Variants in MGAT4C observed in about 807,000 individuals in gnomAD.
MGAT4C encodes the protein MGAT4 family member C, also known as alpha-1,3-mannosyl-glycoprotein 4-beta-N-acetylglucosaminyltransferase C.
In MGAT4C, 19 loss-of-function variants were observed where a neutral mutation model predicts 40.1. The ratio of observed to expected loss-of-function variants is 0.47; its 90% CI spans 0.33 to 0.70. The LOEUF (loss-of-function observed/expected upper bound fraction) is 0.70, where lower values mean the gene tolerates loss of function less well. Among genes scored for constraint, MGAT4C ranks in the 30% least tolerant of loss-of-function variants. The probability of loss-of-function intolerance (pLI) is 0.02; values close to 1 mark genes in which losing one functional copy is unlikely to be tolerated. For missense variants in MGAT4C, 491 were observed against 563.2 expected, an observed-to-expected ratio of 0.87 and a Z score of 1.30; for synonymous variants, 181 against 187.1, an observed-to-expected ratio of 0.97 and a Z score of 0.27.
At chr12:85,988,472 G>A (rs964315963) in intron 3 of MGAT4C, among the ~76,000 whole-genome samples, 1 of 151,580 alleles carries the variant, frequency 6.6e-6, no homozygotes, top group African/African-American at 2.4e-5. Flanking sequence ...TAGCATTTTT[G>A]CATGTGAAAA....
chr12:86,671,278 C>T (rs1037524003), intron 2 of MGAT4C, among the ~76,000 whole-genome samples: 18 of 152,210 alleles, frequency 1.2e-4, no homozygotes, highest in Non-Finnish European at 2.6e-4. Context: ...TTGCTTTAGC[C>T]TCAGAGTCTG....
At chr12:86,435,693 A>T (rs1344377258) in intron 2 of MGAT4C, among the ~76,000 whole-genome samples, 1 of 151,870 alleles carries the variant, frequency 6.6e-6, no homozygotes, top group Non-Finnish European at 1.5e-5. Flanking sequence ...TGAACATTCT[A>T]TATCTCTGCT....
intron 4 of MGAT4C, among the ~76,000 whole-genome samples, chr12:86,289,059 T>C (rs1203150039): frequency 6.6e-6 from 1 of 152,154 alleles, no homozygotes; most frequent in Non-Finnish European, 1.5e-5. Flanking sequence ...TGTATTGAAA[T>C]CATTAATCCA....
At chr12:86,670,097 T>G (rs1964215579) in intron 2 of MGAT4C, among the ~76,000 whole-genome samples, 1 of 150,082 alleles carries the variant, frequency 6.7e-6, no homozygotes, top group Non-Finnish European at 1.5e-5. Context: ...AAATTAGAAG[T>G]TCTAGTGTTT....
chr12:86,169,244 T>C (rs1361855769), intron 1 of MGAT4C, among the ~76,000 whole-genome samples: 2 of 152,148 alleles, frequency 1.3e-5, no homozygotes, highest in Non-Finnish European at 2.9e-5. Flanking sequence ...CAAAAAACCA[T>C]GCAAGGGTTT....
At chr12:86,058,639 C>CT (rs1565921346) in intron 1 of MGAT4C, among the ~76,000 whole-genome samples, 1 of 151,958 alleles carries the variant, frequency 6.6e-6, no homozygotes, top group East Asian at 1.9e-4. Context: ...TTATCCAAGG[C>CT]AACATATATA....
At chr12:86,007,313 C>T (rs925061870) in intron 2 of MGAT4C, among the ~76,000 whole-genome samples, 1 of 151,958 alleles carries the variant, frequency 6.6e-6, no homozygotes, top group Non-Finnish European at 1.5e-5. Context: ...TAGATGAGTC[C>T]ATCATTCTTC....
At chr12:86,157,685 G>A (rs1885124517) in intron 1 of MGAT4C, among the ~76,000 whole-genome samples, 1 of 152,152 alleles carries the variant, frequency 6.6e-6, no homozygotes, top group Non-Finnish European at 1.5e-5. Context: ...TTACAATCAT[G>A]GAGGAAGGTG....
At chr12:86,252,216 C>T (rs912596120) in intron 1 of MGAT4C, among the ~76,000 whole-genome samples, 3 of 151,966 alleles carry the variant, frequency 2.0e-5, no homozygotes, top group East Asian at 1.9e-4. Flanking sequence ...TTCGTACTTT[C>T]AATTATTGAA....
intron 2 of MGAT4C, among the ~76,000 whole-genome samples, chr12:86,652,879 G>A (rs1963731727): frequency 6.6e-6 from 1 of 151,754 alleles, no homozygotes; most frequent in East Asian, 2.0e-4. Context: ...AAACTCATTT[G>A]AATGGGCATT....
At chr12:86,388,574 TA>T (rs1030629751) in intron 3 of MGAT4C, among the ~76,000 whole-genome samples, 3 of 151,070 alleles carry the variant, frequency 2.0e-5, no homozygotes, top group Non-Finnish European at 4.4e-5. Flanking sequence ...TAAATAAAAC[TA>T]AATAAGAACT....
intron 2 of MGAT4C, among the ~76,000 whole-genome samples, chr12:86,486,172 C>A (rs1958015645): frequency 6.6e-6 from 1 of 152,020 alleles, no homozygotes; most frequent in African/African-American, 2.4e-5. Context: ...AAAACAACTG[C>A]CAAACAACAT....
intron 1 of MGAT4C, among the ~76,000 whole-genome samples, chr12:86,814,432 T>C (rs939229175): frequency 1.4e-5 from 2 of 147,550 alleles, no homozygotes; most frequent in African/African-American, 5.0e-5. Flanking sequence ...ATGAAAGGCA[T>C]GTTCTTTCAG....
intron 1 of MGAT4C, among the ~76,000 whole-genome samples, chr12:86,224,772 T>A (rs899340708): frequency 6.6e-6 from 1 of 152,088 alleles, no homozygotes; most frequent in African/African-American, 2.4e-5. Context: ...CCAAAACCTG[T>A]GGGATACAAC....
chr12:86,140,014 TC>T (rs1308040616), intron 1 of MGAT4C, among the ~76,000 whole-genome samples: 1 of 152,186 alleles, frequency 6.6e-6, no homozygotes. Flanking sequence ...GTTGAAGGAT[TC>T]TTTTTGCCCT....
chr12:86,642,943 T>C (rs1963433505), intron 2 of MGAT4C, among the ~76,000 whole-genome samples: 1 of 151,750 alleles, frequency 6.6e-6, no homozygotes, highest in Admixed American at 6.6e-5. Flanking sequence ...ATGTAACTGC[T>C]TAGAAAAATG....
At chr12:85,983,218 T>A (rs535459302) in intron 4 of MGAT4C, among the ~76,000 whole-genome samples, 1 of 152,348 alleles carries the variant, frequency 6.6e-6, no homozygotes, top group East Asian at 1.9e-4. Context: ...CATAGGAATT[T>A]TTAAAAGTTA....
At chr12:86,125,318 G>C (rs948393630) in intron 1 of MGAT4C, among the ~76,000 whole-genome samples, 1 of 152,150 alleles carries the variant, frequency 6.6e-6, no homozygotes, top group Non-Finnish European at 1.5e-5. Flanking sequence ...TTTACTTATA[G>C]TAGTTCCAGG....
At chr12:86,345,774 T>C (rs530000983) in intron 3 of MGAT4C, among the ~76,000 whole-genome samples, 2 of 152,336 alleles carry the variant, frequency 1.3e-5, no homozygotes, top group Admixed American at 1.3e-4. Flanking sequence ...TACCCAGTAA[T>C]GGGATGGCTG....
Sources: gnomAD v4.1 joint callset for allele counts (sites outside exome capture counted in the v4.1 genomes callset) on GRCh38, gnomAD v4.1.1 for gene constraint, MANE v1.5 for transcripts, NCBI Gene and HGNC (gene_info 2026-07-23, HGNC 2026-07-21) for gene names.